NSD3: variants seen among roughly 807,000 people sequenced by gnomAD.
NSD3 encodes nuclear receptor binding SET domain protein 3, also known as histone-lysine N-methyltransferase NSD3.
A neutral mutation model predicts 160.8 loss-of-function variants in NSD3; 24 were observed. The ratio of observed to expected loss-of-function variants is 0.15; its 90% CI spans 0.11 to 0.21. The LOEUF is 0.21. Among genes scored for constraint, NSD3 ranks in the 10% least tolerant of loss-of-function variants. The pLI, the probability that NSD3 is intolerant of heterozygous loss-of-function variation, is 1.00. For synonymous variants in NSD3, 520 were observed against 600.0 expected (o/e 0.87, Z 1.95); for missense variants, 1,157 against 1,735.9 (o/e 0.67, Z 5.93).
intron 2 of NSD3, among the ~76,000 whole-genome samples, chr8:38,342,258 A>G (rs1002239234): frequency 1.3e-5 from 2 of 152,226 alleles, no homozygotes; most frequent in African/African-American, 2.4e-5. Flanking sequence ...TACGTGAGCA[A>G]AACAGATATA....
At chr8:38,309,350 C>T (rs1436588515) in intron 12 of NSD3, among the ~76,000 whole-genome samples, 1 of 152,078 alleles carries the variant, frequency 6.6e-6, no homozygotes, top group South Asian at 2.1e-4. Flanking sequence ...TGCTTGTAAT[C>T]CCAGCTACAC....
chr8:38,368,754 T>A (rs2150394088), intron 1 of NSD3, among the ~76,000 whole-genome samples: 1 of 152,328 alleles, frequency 6.6e-6, no homozygotes. Flanking sequence ...AGACATGGTA[T>A]TACCACTTGA....
Position 38,317,617 on chromosome 8 carries a change from C to T in NSD3, c.1855+1278G>A. On this transcript the variant is annotated intron_variant, in intron 9 of 23. Transcript: ENST00000317025. This position sits in a 1 kb window ranked among gnomAD's most constrained non-coding sequence, Gnocchi z 5.3. ...AATGTATACAGTTTGGGCTGTTTGG[C>T]AAACCCCTGCAGATGTGCATTAATG... is the stretch of plus-strand genomic sequence containing the variant. 1 of 1,128,710 alleles carries T rather than the reference C, an allele frequency of 8.9e-7. No homozygotes were observed. 69.9% of individuals were successfully genotyped at this position (1,128,710 alleles called of 1,614,324 possible).
chr8:38,338,027 C>T (rs566771101), intron 3 of NSD3, among the ~76,000 whole-genome samples: 14 of 152,202 alleles, frequency 9.2e-5, no homozygotes, highest in South Asian at 8.3e-4. Flanking sequence ...ATCGGCCAGG[C>T]GCGGTGGCTC....
At chr8:38,336,639 T>A (rs1810222875) in intron 4 of NSD3, among the ~76,000 whole-genome samples, 1 of 152,204 alleles carries the variant, frequency 6.6e-6, no homozygotes, top group Admixed American at 6.5e-5. Flanking sequence ...AAATGCTTAT[T>A]AAGTTCATAT....
chr8:38,350,449 T>C (rs984347487), intron 1 of NSD3, among the ~76,000 whole-genome samples: 7 of 152,222 alleles, frequency 4.6e-5, no homozygotes, highest in Admixed American at 1.3e-4. Context: ...AAGATGAGCA[T>C]TTTTTCGTGT....
chr8:38,289,940 G>A (rs1808960521), intron 17 of NSD3, among the ~76,000 whole-genome samples: 1 of 152,168 alleles, frequency 6.6e-6, no homozygotes, highest in Non-Finnish European at 1.5e-5. Flanking sequence ...CTCAGGCTGG[G>A]CTTGGTGGCT....
chr8:38,276,595 C>G, intron 22 of NSD3, 95 bp from the exon 23 acceptor site: 1 of 1,333,816 alleles, frequency 7.5e-7, no homozygotes, highest in South Asian at 1.3e-5. Context: ...CATTTAAATT[C>G]ATCTGTTGTA....
chr8:38,369,087 T>C (rs574444593), intron 1 of NSD3, among the ~76,000 whole-genome samples: 77 of 152,308 alleles, frequency 5.1e-4, no homozygotes, highest in African/African-American at 1.7e-3. Context: ...ATTTATTATA[T>C]CTAAATAATA....
At chr8:38,310,194 A>G (rs1427634523) in intron 12 of NSD3, among the ~76,000 whole-genome samples, 1 of 152,124 alleles carries the variant, frequency 6.6e-6, no homozygotes, top group Non-Finnish European at 1.5e-5. Flanking sequence ...AGAACTCCTC[A>G]TCTCACCTCC....
chr8:38,313,078 G>A (rs749088992), intron 12 of NSD3, among the ~76,000 whole-genome samples: 7 of 152,142 alleles, frequency 4.6e-5, no homozygotes, highest in Non-Finnish European at 1.0e-4. Flanking sequence ...GCTGCCAGTT[G>A]GCAAACTGTT....
intron 18 of NSD3, 100 bp downstream of exon 18, chr8:38,289,293 T>C (rs910435498): frequency 4.6e-6 from 5 of 1,093,108 alleles, no homozygotes; most frequent in Non-Finnish European, 6.7e-6. Context: ...TAAAGAGTAA[T>C]GCATTTCGTC....
intron 7 of NSD3, among the ~76,000 whole-genome samples, chr8:38,323,537 G>A (rs1809839665): frequency 6.6e-6 from 1 of 152,038 alleles, no homozygotes; most frequent in Admixed American, 6.6e-5. Context: ...AAATGTTCAG[G>A]CTGGGCACAG....
At chr8:38,281,635 A>G (rs1808737074) in intron 19 of NSD3, 52 bp from the exon 20 acceptor site, 1 of 1,263,608 alleles carries the variant, frequency 7.9e-7, no homozygotes, top group Non-Finnish European at 1.1e-6. Flanking sequence ...TATATAAAGC[A>G]TTGCTTAATG....
chr8:38,348,282 A>C (rs561044564), intron 1 of NSD3, 67 bp from the exon 2 acceptor site: 1 of 1,272,690 alleles, frequency 7.9e-7, no homozygotes, highest in African/African-American at 1.5e-5. Flanking sequence ...AATCAACTGA[A>C]AAAGGATTAA....
chr8:38,356,615 C>T (rs1163556693), intron 1 of NSD3, among the ~76,000 whole-genome samples: 2 of 152,092 alleles, frequency 1.3e-5, no homozygotes, highest in Non-Finnish European at 2.9e-5. Context: ...AGATGAACAA[C>T]TTGAGCCTAT....
rs1257439115 is a variant in NSD3, at chr8:38,317,585, T to C, written c.1855+1310A>G. The C allele has an allele frequency of 9.3e-7, 1 of 1,071,158 alleles. No individual in the cohort carries two copies. The highest frequency in any genetic ancestry group is 1.1e-6 in the Non-Finnish European group (1 of 883,294). 66.4% of individuals were successfully genotyped at this position (1,071,158 alleles called of 1,614,324 possible). A position where few individuals can be genotyped will look rare whatever the true frequency, so the allele number is the denominator to read the frequency against. On this transcript the variant is annotated intron_variant, in intron 9 of 23. Transcript: ENST00000317025. This position sits in a 1 kb window ranked among gnomAD's most constrained non-coding sequence, Gnocchi z 5.3. ...TATTAAAAAAAATAAGAACTTTTAA[T>C]GATTGTAATGTATACAGTTTGGGCT... is the stretch of plus-strand genomic sequence containing the variant.
Position 38,299,379 on chromosome 8 carries a change from A to G in NSD3, c.2758+65T>C, listed in dbSNP as rs569425742. ...CTTGACAGGCATACATTTCCCCCCT[A>G]TATTGAAAGAGAAAAAAATAGGAAA... On this transcript the variant is annotated intron_variant, in intron 15 of 23. Transcript: ENST00000317025. The G allele has an allele frequency of 8.4e-5, 129 of 1,533,034 alleles. No individual in the cohort carries two copies. In the East Asian group the frequency reaches 2.9e-3, roughly 34 times the overall value. 95.0% of individuals were successfully genotyped at this position (1,533,034 alleles called of 1,614,324 possible).
chr8:38,276,442 C>A lies in NSD3; in HGVS notation c.3926G>T (p.Arg1309Ile). 2 of 1,614,234 alleles carry A rather than the reference C, an allele frequency of 1.2e-6. No homozygotes were observed. Among genetic ancestry groups the A allele is most frequent in the Non-Finnish European group, 1.7e-6 (2 of 1,180,050 alleles). Residue 1309 changes from arginine (R) to isoleucine (I), a missense_variant, in exon 23 of 24, where the codon AGA becomes ATA. Arg to Ile is a moderately conservative substitution (Grantham distance 97). Transcript: ENST00000317025. ...KAKNAKLKQK[R>I]RKIKTEPKQM... ...CTTTGGTTCTGTTTTGATCTTTCGTCTCTTCTGTTTTAACTTAGCATTTTT... is the reference window on the plus strand; with the variant it reads ...CTTTGGTTCTGTTTTGATCTTTCGTATCTTCTGTTTTAACTTAGCATTTTT...
Sources: allele counts gnomAD v4.1 joint callset (sites outside exome capture counted in the v4.1 genomes callset), GRCh38; gene constraint gnomAD v4.1.1; non-coding constraint Gnocchi (gnomAD v3.1); transcripts MANE v1.5; gene names NCBI Gene and HGNC (gene_info 2026-07-23, HGNC 2026-07-21).